The following FALEC variants were observed in gnomAD, a reference collection of about 807,000 sequenced individuals.
The protein encoded by FALEC is focally amplified lncRNA regulator of ECM1, also known as focally amplified lncRNA on chromosome 1.
At chr1:150,518,525 C>T (rs369407820), downstream of FALEC, among the ~76,000 whole-genome samples, 17 of 151,788 alleles carry the variant, frequency 1.1e-4, no homozygotes, top group Admixed American at 5.3e-4. Context: ...GCTGCAATTA[C>T]AGTCATGCAC....
chr1:150,527,772 C>A, the FALEC span, among the ~76,000 whole-genome samples: 1 of 152,040 alleles, frequency 6.6e-6, no homozygotes. Flanking sequence ...ATCGCTTGAA[C>A]CCGAGAGGCG....
chr1:150,525,682 AT>A, the FALEC span, among the ~76,000 whole-genome samples: 1 of 152,076 alleles, frequency 6.6e-6, no homozygotes, highest in African/African-American at 2.4e-5. Context: ...GTTACAGCTC[AT>A]TTTGCCTAGC....
At chr1:150,527,593 G>A in the FALEC span, among the ~76,000 whole-genome samples, 2 of 152,126 alleles carry the variant, frequency 1.3e-5, no homozygotes, top group African/African-American at 2.4e-5. Flanking sequence ...CATTTTAAAA[G>A]CACCAGAGGC....
At chr1:150,526,546 T>C in the FALEC span, among the ~76,000 whole-genome samples, 1 of 151,412 alleles carries the variant, frequency 6.6e-6, no homozygotes, top group East Asian at 2.0e-4. Flanking sequence ...TTTTTGATTC[T>C]CCTGCCTCAG....
At chr1:150,518,668 G>A (rs767969209), downstream of FALEC, among the ~76,000 whole-genome samples, 7 of 151,800 alleles carry the variant, frequency 4.6e-5, no homozygotes, top group African/African-American at 1.7e-4. Context: ...GATTATAAGC[G>A]TGAGCCACCG....
the FALEC span, among the ~76,000 whole-genome samples, chr1:150,529,188 G>A: frequency 2.0e-5 from 3 of 152,182 alleles, no homozygotes; most frequent in Non-Finnish European, 4.4e-5. Context: ...ACCATTGTGG[G>A]AACGGGGTGT....
At chr1:150,519,664 G>A (rs1458878091), downstream of FALEC, among the ~76,000 whole-genome samples, 3 of 151,970 alleles carry the variant, frequency 2.0e-5, no homozygotes, top group South Asian at 6.2e-4. Flanking sequence ...AGACCAGCCT[G>A]GCCAAGATGG....
At chr1:150,521,505 G>A (rs1266346539), downstream of FALEC, among the ~76,000 whole-genome samples, 1 of 152,160 alleles carries the variant, frequency 6.6e-6, no homozygotes. Flanking sequence ...TTGATCATTT[G>A]GATATCTTCT....
At chr1:150,524,423 T>A in the FALEC span, among the ~76,000 whole-genome samples, 1 of 152,156 alleles carries the variant, frequency 6.6e-6, no homozygotes, top group Non-Finnish European at 1.5e-5. Flanking sequence ...TCTACAAAGA[T>A]GTCAAAAAAA....
chr1:150,520,783 CTTTTTT>C (rs71086518), downstream of FALEC, among the ~76,000 whole-genome samples: 35 of 42,820 alleles, frequency 8.2e-4, no homozygotes, highest in South Asian at 5.4e-3. Flanking sequence ...CTTTTCTTTT[CTTTTTT>C]TTTTTTTTTT....
At chr1:150,527,706 T>C in the FALEC span, among the ~76,000 whole-genome samples, 5 of 151,710 alleles carry the variant, frequency 3.3e-5, no homozygotes, top group African/African-American at 1.2e-4. Context: ...AAAAGTTAGC[T>C]GGGCGTGGTG....
the FALEC span, among the ~76,000 whole-genome samples, chr1:150,535,174 C>T: frequency 6.6e-6 from 1 of 152,090 alleles, no homozygotes; most frequent in African/African-American, 2.4e-5. Flanking sequence ...ATGGCTTCCT[C>T]TGAGGGATAA....
At chr1:150,523,978 C>T in the FALEC span, among the ~76,000 whole-genome samples, 2 of 152,112 alleles carry the variant, frequency 1.3e-5, no homozygotes, top group African/African-American at 2.4e-5. Context: ...CCACCATTAA[C>T]AGGAAGAAAC....
downstream of FALEC, among the ~76,000 whole-genome samples, chr1:150,518,711 G>T (rs1250273088): frequency 6.6e-6 from 1 of 151,726 alleles, no homozygotes; most frequent in Non-Finnish European, 1.5e-5. Context: ...TTACACCAAA[G>T]TTAGGTTATA....
chr1:150,517,166 G>T (rs755012074), intron 1 of FALEC, among the ~76,000 whole-genome samples: 4 of 152,002 alleles, frequency 2.6e-5, no homozygotes, highest in African/African-American at 4.8e-5. Context: ...GCATGATGGC[G>T]CATGCCTCTA....
chr1:150,529,016 CAAAAAAAAAA>C, the FALEC span, among the ~76,000 whole-genome samples: 15 of 59,292 alleles, frequency 2.5e-4, no homozygotes, highest in East Asian at 2.1e-3. Flanking sequence ...AAATAAATAG[CAAAAAAAAAA>C]AAAAAAAAAA....
downstream of FALEC, among the ~76,000 whole-genome samples, chr1:150,521,890 T>C (rs1670647661): frequency 6.6e-6 from 1 of 152,210 alleles, no homozygotes; most frequent in South Asian, 2.1e-4. Flanking sequence ...TTGGCTATTG[T>C]TTAATGACTG....
downstream of FALEC, among the ~76,000 whole-genome samples, chr1:150,522,856 T>TATATATACAC (rs1553907905): frequency 5.5e-3 from 641 of 116,804 alleles, 38 homozygotes; most frequent in African/African-American, 0.02. Flanking sequence ...TCTCTCTATA[T>TATATATACAC]ATATATATAC....
At chr1:150,516,662 G>A (rs963468807) in intron 1 of FALEC, among the ~76,000 whole-genome samples, 3 of 152,182 alleles carry the variant, frequency 2.0e-5, no homozygotes, top group Non-Finnish European at 4.4e-5. Context: ...ATTCAGGGGC[G>A]GTGAGTAAAG....
Sources: allele counts gnomAD v4.1 joint callset (sites outside exome capture counted in the v4.1 genomes callset), GRCh38; gene constraint gnomAD v4.1.1; transcripts MANE v1.5; gene names NCBI Gene and HGNC (gene_info 2026-07-23, HGNC 2026-07-21).